Variants in DSCAML1 observed in about 807,000 individuals in gnomAD.
The protein encoded by DSCAML1 is cell adhesion molecule DSCAML1.
Under a neutral mutation model 200.5 loss-of-function variants are expected in DSCAML1, and 38 were observed. That is an observed-to-expected ratio of 0.19 (90% CI 0.15 to 0.25). The LOEUF (loss-of-function observed/expected upper bound fraction) is 0.25, where lower values mean the gene tolerates loss of function less well. DSCAML1 is among the 10% of genes least tolerant of loss of function. The probability of loss-of-function intolerance (pLI) is 1.00; values close to 1 mark genes in which losing one functional copy is unlikely to be tolerated. For missense variants in DSCAML1, 2,223 were observed against 2,858.8 expected (o/e 0.78, Z 5.07); for synonymous variants, 1,215 against 1,165.0 (o/e 1.04, Z -0.87).
chr11:117,430,322 G>C (rs2047759806), intron 32 of DSCAML1, among the ~76,000 whole-genome samples: 1 of 152,222 alleles, frequency 6.6e-6, no homozygotes, highest in Admixed American at 6.5e-5. Flanking sequence ...AGCTGACCCT[G>C]AAGGGATCTG....
At chr11:117,599,719 TG>T (rs1288796483) in intron 3 of DSCAML1, among the ~76,000 whole-genome samples, 1 of 152,238 alleles carries the variant, frequency 6.6e-6, no homozygotes, top group East Asian at 1.9e-4. Flanking sequence ...TGCAGGACCC[TG>T]GTTCTGGTTA....
At chr11:117,604,364 A>C (rs905750249) in intron 3 of DSCAML1, among the ~76,000 whole-genome samples, 3 of 151,356 alleles carry the variant, frequency 2.0e-5, no homozygotes, top group Non-Finnish European at 4.4e-5. Flanking sequence ...ATTGCCATGA[A>C]TTTGACCTCT....
chr11:117,428,808 A>G lies in DSCAML1; in HGVS notation c.5687-5T>C. The G allele has an allele frequency of 6.3e-7, 1 of 1,590,474 alleles. No homozygotes were observed. Among genetic ancestry groups the G allele is most frequent in the Non-Finnish European group, 8.5e-7 (1 of 1,170,998 alleles). The stretch of plus-strand genomic sequence containing the variant: ...GGGGCAGGTTGCAGTAGTCACCTGG[A>G]ATCACAGAGGCAGAGGATGTTACAG... On this transcript the variant is annotated splice_polypyrimidine_tract_variant and splice_region_variant and intron_variant, in intron 32 of 32. Coordinates refer to ENST00000651296, the MANE Select transcript of DSCAML1 (RefSeq NM_020693.4).
chr11:117,660,160 G>A (rs2052816449), intron 3 of DSCAML1, among the ~76,000 whole-genome samples: 1 of 152,100 alleles, frequency 6.6e-6, no homozygotes, highest in Non-Finnish European at 1.5e-5. Context: ...ACATAAGCAG[G>A]GGCTCCTGCT....
chr11:117,622,219 G>A (rs913177106), intron 3 of DSCAML1, among the ~76,000 whole-genome samples: 9 of 152,288 alleles, frequency 5.9e-5, no homozygotes, highest in Admixed American at 3.9e-4. Context: ...CTGGTGGCCT[G>A]GAAGCTCTGC....
chr11:117,768,459 C>T (rs1214094325), intron 3 of DSCAML1, among the ~76,000 whole-genome samples: 4 of 152,118 alleles, frequency 2.6e-5, no homozygotes, highest in African/African-American at 9.7e-5. Flanking sequence ...TGGCTGCAGC[C>T]CCTAGCTTAC....
At chr11:117,712,306 G>A (rs181922060) in intron 3 of DSCAML1, among the ~76,000 whole-genome samples, 1 of 152,288 alleles carries the variant, frequency 6.6e-6, no homozygotes, top group East Asian at 1.9e-4. Context: ...TCTAATGGGT[G>A]TGGACAGTGG....
intron 15 of DSCAML1, among the ~76,000 whole-genome samples, chr11:117,470,681 A>G (rs1592628452): frequency 6.6e-6 from 1 of 152,224 alleles, no homozygotes; most frequent in African/African-American, 2.4e-5. Context: ...AGCATACAGG[A>G]ATGCTTATAG....
At chr11:117,564,600 C>T (rs1313417857) in intron 3 of DSCAML1, among the ~76,000 whole-genome samples, 3 of 152,168 alleles carry the variant, frequency 2.0e-5, no homozygotes, top group Non-Finnish European at 4.4e-5. Context: ...CTGCTGCTCA[C>T]TCCTTGCCTC....
At position 117,437,742 on chromosome 11, in the gene DSCAML1, C is replaced by T. The variant is rs189006427; in HGVS notation, c.4432+153G>A. Among the ~76,000 whole-genome samples the T allele has an allele frequency of 3.3e-5, 5 of 152,194 alleles. No homozygotes were observed. The highest frequency in any genetic ancestry group is 1.9e-4 in the East Asian group (1 of 5,162). ...GGGATCCATCGGGACACTGTGGTGA[C>T]GGGAAGGAGGCTGAGGCTCCTCCCT... On this transcript the variant is annotated intron_variant, in intron 25 of 32. Coordinates refer to ENST00000651296, the MANE Select transcript of DSCAML1 (RefSeq NM_020693.4). This position sits in a 1 kb window ranked among gnomAD's most constrained non-coding sequence, Gnocchi z 5.3.
intron 3 of DSCAML1, chr11:117,709,848 A>G: frequency 2.2e-6 from 1 of 449,384 alleles, no homozygotes; most frequent in African/African-American, 2.0e-5. Context: ...GCAACCAATG[A>G]CCCCTGAAGA....
intron 3 of DSCAML1, among the ~76,000 whole-genome samples, chr11:117,659,843 C>T (rs1440066226): frequency 3.3e-5 from 5 of 152,134 alleles, no homozygotes; most frequent in African/African-American, 7.2e-5. Context: ...CTCAGCCTCC[C>T]GAGTAGCTGG....
intron 3 of DSCAML1, among the ~76,000 whole-genome samples, chr11:117,693,501 C>A (rs774247616): frequency 2.6e-5 from 4 of 152,154 alleles, no homozygotes; most frequent in African/African-American, 7.2e-5. Context: ...TGCACCCCCC[C>A]ATTTGACATC....
intron 1 of DSCAML1, among the ~76,000 whole-genome samples, chr11:117,795,640 G>A (rs376793264): frequency 6.6e-6 from 1 of 152,270 alleles, no homozygotes; most frequent in African/African-American, 2.4e-5. Context: ...TCCTTGTCCC[G>A]CAATCCGATC....
Position 117,503,989 on chromosome 11 carries a change from G to A in DSCAML1, c.2215C>T (p.Pro739Ser). Residue 739 changes from proline to serine, a missense_variant, in exon 11 of 33, where the codon CCC becomes TCC. Physicochemically the swap from Pro to Ser is moderately conservative, Grantham distance 74. Transcript: ENST00000651296. The surrounding 1 kb of genome is among the most constrained non-coding windows in gnomAD (Gnocchi z 5.2). Reference sequence around the variant, plus strand: ...AGGATCTGGATGCGGCCAGTGAGGGGCACAGGGTGGTACTGCTGGGGGTTC... The same window carrying A: ...AGGATCTGGATGCGGCCAGTGAGGGACACAGGGTGGTACTGCTGGGGGTTC... Reference protein sequence around the residue: ...SGNPQQYHPVPLTGRIQILPN... With the variant: ...SGNPQQYHPVSLTGRIQILPN... The A allele has an allele frequency of 5.0e-6, 8 of 1,614,170 alleles. No homozygotes were observed. Among genetic ancestry groups the A allele is most frequent in the Non-Finnish European group, 6.8e-6 (8 of 1,180,022 alleles).
At chr11:117,529,606 G>A (rs1233215426) in intron 4 of DSCAML1, among the ~76,000 whole-genome samples, 1 of 151,954 alleles carries the variant, frequency 6.6e-6, no homozygotes, top group Non-Finnish European at 1.5e-5. Flanking sequence ...TTAGCCCTGA[G>A]TGCTGAAGAG....
intron 3 of DSCAML1, among the ~76,000 whole-genome samples, chr11:117,566,330 T>C (rs933954266): frequency 2.1e-5 from 3 of 145,616 alleles, no homozygotes; most frequent in African/African-American, 7.6e-5. Flanking sequence ...TCTTTCTCCC[T>C]TTCTTTTCTT....
chr11:117,603,889 C>T (rs192426524), intron 3 of DSCAML1, among the ~76,000 whole-genome samples: 5 of 152,336 alleles, frequency 3.3e-5, no homozygotes, highest in Admixed American at 2.0e-4. Flanking sequence ...GAGCAGCTAC[C>T]GTGTGCCAGG....
chr11:117,729,432 T>C (rs1473108360), intron 3 of DSCAML1, among the ~76,000 whole-genome samples: 2 of 152,062 alleles, frequency 1.3e-5, no homozygotes, highest in African/African-American at 4.8e-5. Context: ...TTGGATTCCA[T>C]CATAATAAAA....
Sources: allele counts gnomAD v4.1 joint callset (sites outside exome capture counted in the v4.1 genomes callset), GRCh38; gene constraint gnomAD v4.1.1; non-coding constraint Gnocchi (gnomAD v3.1); transcripts MANE v1.5; gene names NCBI Gene and HGNC (gene_info 2026-07-23, HGNC 2026-07-21).